The following ENPP3 variants were observed in gnomAD, a reference collection of about 807,000 sequenced individuals.
ENPP3 encodes ectonucleotide pyrophosphatase/phosphodiesterase 3.
A neutral mutation model predicts 117.8 loss-of-function variants in ENPP3; 104 were observed. That is an observed-to-expected ratio of 0.88 (90% CI 0.75 to 1.04). The LOEUF (loss-of-function observed/expected upper bound fraction) is 1.04. Ranked by LOEUF, ENPP3 falls within the 50% of genes least tolerant of loss-of-function variation. The pLI, the probability that ENPP3 is intolerant of heterozygous loss-of-function variation, is 0.00. For missense variants in ENPP3, 1,026 were observed against 1,051.9 expected (o/e 0.98, Z 0.34); for synonymous variants, 380 against 349.9 (o/e 1.09, Z -0.96).
intron 15 of ENPP3, chr6:131,701,304 A>G (rs1779524366): frequency 6.3e-7 from 1 of 1,576,182 alleles, no homozygotes; most frequent in Non-Finnish European, 8.7e-7. Context: ...GAAGACGTAG[A>G]ACAGGGAGAA....
chr6:131,663,983 GGCCTTCCAAAGT>G (rs1309498250), intron 6 of ENPP3, among the ~76,000 whole-genome samples: 3 of 152,180 alleles, frequency 2.0e-5, no homozygotes, highest in Admixed American at 6.5e-5. Flanking sequence ...CTCCCACCTT[GGCCTTCCAAAGT>G]GCCTTCCAAA....
intron 24 of ENPP3, among the ~76,000 whole-genome samples, chr6:131,743,543 C>G (rs1004467096): frequency 4.0e-5 from 6 of 151,828 alleles, no homozygotes; most frequent in Admixed American, 3.9e-4. Context: ...ATTCTAAAGT[C>G]GACAGAGGCC....
chr6:131,692,332 C>A (rs1191309227), intron 14 of ENPP3, among the ~76,000 whole-genome samples: 11 of 151,718 alleles, frequency 7.3e-5, no homozygotes, highest in Admixed American at 6.6e-4. Flanking sequence ...TTAAAATATG[C>A]CATACAGTCA....
chr6:131,672,477 A>T (rs1045927342), intron 7 of ENPP3, among the ~76,000 whole-genome samples: 1 of 152,150 alleles, frequency 6.6e-6, no homozygotes, highest in Non-Finnish European at 1.5e-5. Context: ...TACATAAATA[A>T]TGTGACTTTA....
rs568819996 is a variant in ENPP3 at position 131,722,023 on chromosome 6, A to C, written c.1568-204A>C. On this transcript the variant is annotated intron_variant, in intron 17 of 24. Coordinates refer to ENST00000357639, the MANE Select transcript of ENPP3 (RefSeq NM_005021.5). ...TACAGGTGCACTGCCGCACCTGGCT[A>C]GTTCTATTCTTTAGCAAGACTAGTG... 2.0e-5 allele frequency among the ~76,000 whole-genome samples: 3 copies of C among 152,288 alleles called. No homozygotes were observed. The East Asian group carries it at 5.8e-4, about 29-fold the overall frequency.
chr6:131,721,604 T>A, intron 17 of ENPP3, among the ~76,000 whole-genome samples: 1 of 149,032 alleles, frequency 6.7e-6, no homozygotes, highest in African/African-American at 2.6e-5. Flanking sequence ...TACAAATACA[T>A]TTTGTATTAT....
chr6:131,732,911 G>A (rs1780316927), intron 20 of ENPP3, among the ~76,000 whole-genome samples: 2 of 131,206 alleles, frequency 1.5e-5, no homozygotes, highest in African/African-American at 8.0e-5. Flanking sequence ...TGTATTTTTA[G>A]TAGAGACGGG....
chr6:131,714,194 T>A (rs1779844268), intron 15 of ENPP3, among the ~76,000 whole-genome samples: 1 of 151,250 alleles, frequency 6.6e-6, no homozygotes, highest in Non-Finnish European at 1.5e-5. Flanking sequence ...TTCCCACCAT[T>A]GTACAGTTGA....
chr6:131,637,916 G>A (rs572512845), intron 1 of ENPP3, among the ~76,000 whole-genome samples: 4 of 150,786 alleles, frequency 2.7e-5, no homozygotes, highest in Non-Finnish European at 5.9e-5. Context: ...GGTAAGATCT[G>A]CCACCCCCCC....
At chr6:131,717,426 G>A (rs1037299327) in intron 15 of ENPP3, among the ~76,000 whole-genome samples, 2 of 148,352 alleles carry the variant, frequency 1.3e-5, no homozygotes, top group Non-Finnish European at 3.0e-5. Context: ...GGGGTGAGAG[G>A]TGAGGGTGGG....
intron 14 of ENPP3, among the ~76,000 whole-genome samples, chr6:131,687,040 G>A (rs1779168772): frequency 6.6e-6 from 1 of 152,158 alleles, no homozygotes; most frequent in African/African-American, 2.4e-5. Flanking sequence ...CCAGTAATGG[G>A]ATTGCTGGGT....
At position 131,740,318 on chromosome 6, in the gene ENPP3, G is replaced by A; in HGVS notation, c.2395G>A (p.Gly799Arg). The A allele has an allele frequency of 6.2e-7, 1 of 1,613,148 alleles. No homozygotes were observed. The highest frequency in any genetic ancestry group is 2.2e-5 in the East Asian group (1 of 44,830). The stretch of plus-strand genomic sequence containing the variant: ...GAGCCACACACCGGAAAACTGCCCT[G>A]GGTGGCTGGATGTCCTACCCTTTAT... Reference protein sequence around the residue: ...NKSHTPENCPGWLDVLPFIIP... With the variant: ...NKSHTPENCPRWLDVLPFIIP... Residue 799 changes from glycine (G) to arginine (R), a missense_variant, in exon 24 of 25, where the codon GGG becomes AGG. Gly to Arg is a moderately radical substitution (Grantham distance 125, BLOSUM62 -2). Transcript: ENST00000357639.
intron 15 of ENPP3, among the ~76,000 whole-genome samples, chr6:131,701,763 T>C (rs1488441701): frequency 1.3e-5 from 2 of 150,502 alleles, no homozygotes; most frequent in East Asian, 3.9e-4. Flanking sequence ...GTACCTGTAG[T>C]CCCAGCTACT....
chr6:131,737,281 A>G (rs1466924836), intron 21 of ENPP3, 74 bp from the exon 22 acceptor site: 2 of 817,294 alleles, frequency 2.4e-6, no homozygotes, highest in East Asian at 2.5e-5. Flanking sequence ...AATATGTAAT[A>G]GTAGTATGCC....
At chr6:131,657,979 G>A (rs559982431) in intron 5 of ENPP3, among the ~76,000 whole-genome samples, 16 of 151,794 alleles carry the variant, frequency 1.1e-4, no homozygotes, top group African/African-American at 3.1e-4. Context: ...CCTGGCCAAC[G>A]TGGTAAAACC....
chr6:131,701,574 A>C (rs1779531359), intron 15 of ENPP3, among the ~76,000 whole-genome samples: 1 of 147,140 alleles, frequency 6.8e-6, no homozygotes. Flanking sequence ...GTAACGCTAA[A>C]ATAAATGTTT....
intron 5 of ENPP3, among the ~76,000 whole-genome samples, chr6:131,655,833 G>A (rs908093227): frequency 1.2e-4 from 18 of 152,288 alleles, no homozygotes; most frequent in African/African-American, 4.3e-4. Context: ...GGAACCTGGT[G>A]AGGAAAGGGG....
intron 2 of ENPP3, among the ~76,000 whole-genome samples, chr6:131,646,972 CTTTTT>C (rs747724228): frequency 1.6e-5 from 2 of 127,646 alleles, no homozygotes; most frequent in Admixed American, 8.0e-5. Context: ...CAACCAGCTA[CTTTTT>C]TTTTTTTTTT....
At chr6:131,712,146 A>G (rs1315999380) in intron 15 of ENPP3, among the ~76,000 whole-genome samples, 3 of 133,974 alleles carry the variant, frequency 2.2e-5, no homozygotes, top group African/African-American at 1.1e-4. Context: ...AGATGTTATG[A>G]TGCCCTATCT....
Sources: gnomAD v4.1 joint callset for allele counts (sites outside exome capture counted in the v4.1 genomes callset) on GRCh38, gnomAD v4.1.1 for gene constraint, MANE v1.5 for transcripts, NCBI Gene and HGNC (gene_info 2026-07-23, HGNC 2026-07-21) for gene names.